The following ICE1 variants were observed in gnomAD, a reference collection of about 807,000 sequenced individuals.
ICE1 encodes the protein interactor of little elongation complex ELL subunit 1.
A neutral mutation model predicts 192.7 loss-of-function variants in ICE1; 64 were observed. The observed-to-expected ratio is 0.33, with a 90% CI of 0.27 to 0.41. The LOEUF (loss-of-function observed/expected upper bound fraction) is 0.41. Among genes scored for constraint, ICE1 ranks in the 10% least tolerant of loss-of-function variants. The pLI, the probability that ICE1 is intolerant of heterozygous loss-of-function variation, is 1.00. For missense variants in ICE1, 2,708 were observed against 2,696.0 expected, an observed-to-expected ratio of 1.00 and a Z score of -0.10; for synonymous variants, 1,010 against 984.5, an observed-to-expected ratio of 1.03 and a Z score of -0.49.
chr5:5,483,226 C>A (rs548099618), intron 17 of ICE1, among the ~76,000 whole-genome samples: 2 of 152,196 alleles, frequency 1.3e-5, no homozygotes, highest in East Asian at 3.9e-4. Flanking sequence ...AAACTCCCGG[C>A]CTCAGGTGAT....
chr5:5,437,264 A>G (rs953486208), intron 3 of ICE1, 150 bp downstream of exon 3: 2 of 577,168 alleles, frequency 3.5e-6, no homozygotes, highest in African/African-American at 3.8e-5. Context: ...CACAGTAAAC[A>G]GACAGTCCTT....
chr5:5,465,721 A>G (rs1370796852), intron 13 of ICE1, among the ~76,000 whole-genome samples: 1 of 152,210 alleles, frequency 6.6e-6, no homozygotes, highest in African/African-American at 2.4e-5. Context: ...GATGACTTCT[A>G]GTGCTAGACG....
intron 4 of ICE1, among the ~76,000 whole-genome samples, 195 bp from the exon 5 acceptor site, chr5:5,440,917 G>GA (rs888529203): frequency 2.9e-4 from 43 of 146,260 alleles, no homozygotes; most frequent in South Asian, 4.4e-4. Context: ...AGAAAGAAAA[G>GA]AAAAAAAAAA....
chr5:5,449,813 C>A (rs988545817), intron 10 of ICE1, among the ~76,000 whole-genome samples: 1 of 152,168 alleles, frequency 6.6e-6, no homozygotes, highest in African/African-American at 2.4e-5. Context: ...CAATGGAGCT[C>A]CTCAGAGTGG....
intron 17 of ICE1, among the ~76,000 whole-genome samples, chr5:5,477,408 GAC>G (rs774860074): frequency 5.3e-5 from 8 of 152,208 alleles, no homozygotes; most frequent in African/African-American, 1.9e-4. Context: ...TAAATTCCTG[GAC>G]ACACACACTC....
chr5:5,472,458 G>C (rs1009477411), intron 15 of ICE1, among the ~76,000 whole-genome samples: 7 of 152,068 alleles, frequency 4.6e-5, no homozygotes, highest in South Asian at 2.1e-4. Context: ...ATGTAAAATA[G>C]GTACTCAAAA....
intron 15 of ICE1, among the ~76,000 whole-genome samples, chr5:5,473,287 G>C (rs1739218637): frequency 6.6e-6 from 1 of 152,164 alleles, no homozygotes; most frequent in Non-Finnish European, 1.5e-5. Context: ...ATGAAACTGT[G>C]CTTTCCTATC....
intron 18 of ICE1, 54 bp from the exon 19 acceptor site, chr5:5,489,094 AT>A (rs1403773899): frequency 6.6e-7 from 1 of 1,520,452 alleles, no homozygotes; most frequent in East Asian, 2.3e-5. Context: ...CATCACTAAA[AT>A]TTTGAATAAC....
Position 5,433,499 on chromosome 5 carries a change from G to A in ICE1, c.85-2919G>A, listed in dbSNP as rs115497439. Among the ~76,000 whole-genome samples the A allele has an allele frequency of 7.0e-3, 1,063 of 152,062 alleles. 7 individuals are homozygous for A. The highest frequency in any genetic ancestry group is 0.012 in the Non-Finnish European group (813 of 67,984). ...CTCTTGAGTCTGCTTTCCAGTTTCC[G>A]TTTGTCTTTTATCCTCTTGTCATCC... is the stretch of plus-strand genomic sequence containing the variant. On this transcript the variant is annotated intron_variant, in intron 1 of 18. Coordinates refer to ENST00000296564, the MANE Select transcript of ICE1 (RefSeq NM_015325.3).
chr5:5,440,330 T>A (rs2918260), intron 4 of ICE1, among the ~76,000 whole-genome samples: 69,810 of 152,092 alleles, frequency 0.46, 17,063 homozygotes, highest in East Asian at 0.64. Context: ...ATCACCCAGA[T>A]GAAGGCGAAA....
intron 1 of ICE1, among the ~76,000 whole-genome samples, chr5:5,425,557 GA>G (rs1737495683): frequency 6.6e-6 from 1 of 152,182 alleles, no homozygotes; most frequent in Admixed American, 6.5e-5. Context: ...CTTTTTAGGG[GA>G]AAGTTACGAG....
chr5:5,426,682 C>A (rs1392653507), intron 1 of ICE1, among the ~76,000 whole-genome samples: 1 of 152,152 alleles, frequency 6.6e-6, no homozygotes, highest in Non-Finnish European at 1.5e-5. Context: ...GAGGGTTAAA[C>A]AGGGAGTGCG....
chr5:5,456,469 A>T (rs570122371), intron 11 of ICE1, among the ~76,000 whole-genome samples: 2 of 152,342 alleles, frequency 1.3e-5, no homozygotes, highest in African/African-American at 4.8e-5. Flanking sequence ...TTACTTGTTT[A>T]CATCAGTATA....
chr5:5,448,558 AAT>A (rs1336652874), intron 10 of ICE1, among the ~76,000 whole-genome samples: 1 of 152,212 alleles, frequency 6.6e-6, no homozygotes, highest in African/African-American at 2.4e-5. Flanking sequence ...TAAAAATGGA[AAT>A]ATGAATTTGA....
intron 17 of ICE1, among the ~76,000 whole-genome samples, chr5:5,482,610 C>G (rs532150601): frequency 1.3e-5 from 2 of 152,174 alleles, no homozygotes; most frequent in African/African-American, 4.8e-5. Context: ...CCTGCCTGTC[C>G]TTTTCGTGCC....
In ICE1 at chr5:5,427,836, G is replaced by A. The variant is rs115800810; in HGVS notation, c.84+4837G>A. 9.0e-3 allele frequency among the ~76,000 whole-genome samples: 1,364 copies of A among 152,216 alleles called. 25 individuals are homozygous for A. The highest frequency in any genetic ancestry group is 0.031 in the African/African-American group (1,303 of 41,508). ...GAGGCATGGAGCTCATTCTTGTTGAGGTTACAGTTAAGTAGAAAAGCAACC... is the reference window on the plus strand; with the variant it reads ...GAGGCATGGAGCTCATTCTTGTTGAAGTTACAGTTAAGTAGAAAAGCAACC... On this transcript the variant is annotated intron_variant, in intron 1 of 18. Transcript: ENST00000296564.
intron 17 of ICE1, among the ~76,000 whole-genome samples, chr5:5,478,832 AAAC>A (rs1739415665): frequency 6.6e-6 from 1 of 152,230 alleles, no homozygotes; most frequent in Non-Finnish European, 1.5e-5. Flanking sequence ...AACCTGATAA[AAAC>A]AAGCAACGGG....
intron 4 of ICE1, 44 bp from the exon 5 acceptor site, chr5:5,441,068 G>C (rs28405510): frequency 4.2e-6 from 5 of 1,200,448 alleles, no homozygotes; most frequent in African/African-American, 1.5e-5. Context: ...TTAATACTTC[G>C]TTATAGATCC....
chr5:5,436,123 T>C (rs907638380), intron 1 of ICE1, among the ~76,000 whole-genome samples: 4 of 152,172 alleles, frequency 2.6e-5, no homozygotes, highest in East Asian at 1.9e-4. Flanking sequence ...AGATTGATGA[T>C]TAATAGCAAA....
Sources: allele counts gnomAD v4.1 joint callset (sites outside exome capture counted in the v4.1 genomes callset), GRCh38; gene constraint gnomAD v4.1.1; transcripts MANE v1.5; gene names NCBI Gene and HGNC (gene_info 2026-07-23, HGNC 2026-07-21).